The following SLC4A4 variants were observed in gnomAD, a reference collection of about 807,000 sequenced individuals.
The protein encoded by SLC4A4 is solute carrier family 4 member 4.
SLC4A4 carries 27 observed loss-of-function variants against 111.5 expected under a neutral mutation model. The ratio of observed to expected loss-of-function variants is 0.24; its 90% CI spans 0.18 to 0.33. The LOEUF (loss-of-function observed/expected upper bound fraction) is 0.33. Among genes scored for constraint, SLC4A4 ranks in the 10% least tolerant of loss-of-function variants. The probability of loss-of-function intolerance (pLI) is 1.00; values close to 1 mark genes in which losing one functional copy is unlikely to be tolerated. For synonymous variants in SLC4A4, 443 were observed against 463.4 expected, an observed-to-expected ratio of 0.96 and a Z score of 0.57; for missense variants, 909 against 1,315.5, an observed-to-expected ratio of 0.69 and a Z score of 4.78.
At chr4:71,479,507 A>G (rs746338217) in intron 14 of SLC4A4, among the ~76,000 whole-genome samples, 6 of 151,800 alleles carry the variant, frequency 4.0e-5, no homozygotes, top group Non-Finnish European at 7.4e-5. Flanking sequence ...TATAGTCAAT[A>G]TGTGTTTTTT....
chr4:71,072,272 A>G (rs1033133078), intron 1 of SLC4A4, among the ~76,000 whole-genome samples: 2 of 152,182 alleles, frequency 1.3e-5, no homozygotes, highest in African/African-American at 4.8e-5. Context: ...GAAGGATATG[A>G]CATTAAAATT....
intron 15 of SLC4A4, among the ~76,000 whole-genome samples, chr4:71,490,490 C>T (rs972455305): frequency 1.8e-4 from 28 of 151,874 alleles, no homozygotes; most frequent in Middle Eastern, 3.4e-3. Context: ...GATACCCTAG[C>T]TTTCTTTTTG....
intron 2 of SLC4A4, among the ~76,000 whole-genome samples, chr4:71,160,814 A>C (rs1744600961): frequency 6.6e-6 from 1 of 152,186 alleles, no homozygotes; most frequent in South Asian, 2.1e-4. Context: ...CTTATAATTA[A>C]AAACAAAAGG....
chr4:71,147,849 G>C (rs562739796), intron 2 of SLC4A4, among the ~76,000 whole-genome samples: 82 of 152,222 alleles, frequency 5.4e-4, no homozygotes, highest in African/African-American at 1.9e-3. Flanking sequence ...CCACATGCCT[G>C]GTAAATGTAC....
chr4:71,497,355 ACCTCATCAAGTTTCAC>A, intron 15 of SLC4A4, 130 bp from the exon 16 acceptor site: 1 of 666,962 alleles, frequency 1.5e-6, no homozygotes, highest in Non-Finnish European at 2.6e-6. Flanking sequence ...TTCCATGAAC[ACCTCATCAAGTTTCAC>A]CCTCCAGTGC....
At chr4:71,068,745 G>A (rs1209162127) in intron 1 of SLC4A4, among the ~76,000 whole-genome samples, 2 of 151,538 alleles carry the variant, frequency 1.3e-5, no homozygotes, top group African/African-American at 2.4e-5. Context: ...GCATTTTTTT[G>A]TAGAGACGAG....
chr4:71,180,409 C>G (rs1289920655), intron 2 of SLC4A4, among the ~76,000 whole-genome samples: 2 of 152,154 alleles, frequency 1.3e-5, no homozygotes, highest in Non-Finnish European at 2.9e-5. Flanking sequence ...TCAGAGTGAA[C>G]AAGCAACCTA....
chr4:71,403,291 T>A (rs1218297463), intron 7 of SLC4A4, among the ~76,000 whole-genome samples: 1 of 152,208 alleles, frequency 6.6e-6, no homozygotes, highest in Non-Finnish European at 1.5e-5. Context: ...CATGCAGCTA[T>A]GATTTGAATT....
rs117469465 is a variant in SLC4A4, at chr4:71,333,767, C to T, written c.254-5603C>T. Among the ~76,000 whole-genome samples, 23 of 152,280 alleles carry T rather than the reference C, an allele frequency of 1.5e-4. No homozygotes were observed. In the East Asian group the frequency reaches 4.4e-3, roughly 29 times the overall value. On this transcript the variant is annotated intron_variant, in intron 3 of 25. Transcript: ENST00000264485. ...CAAAGTCCTTTACACTCTTTCTTCC[C>T]CTTTCCTGATGCAGAAGGAGCCTCT...
intron 2 of SLC4A4, among the ~76,000 whole-genome samples, chr4:71,103,265 A>G (rs1742813076): frequency 6.6e-6 from 1 of 151,850 alleles, no homozygotes; most frequent in African/African-American, 2.4e-5. Context: ...ACCCAGATTC[A>G]TAAAGCAAGT....
chr4:71,430,976 A>G (rs990522720), intron 7 of SLC4A4, among the ~76,000 whole-genome samples: 1 of 152,122 alleles, frequency 6.6e-6, no homozygotes, highest in Non-Finnish European at 1.5e-5. Context: ...GGATGTGTAG[A>G]ACCCACTTCT....
At chr4:71,239,074 A>C (rs1720003306) in intron 2 of SLC4A4, among the ~76,000 whole-genome samples, 2 of 152,318 alleles carry the variant, frequency 1.3e-5, no homozygotes, top group African/African-American at 4.8e-5. Context: ...TCTATTCTAA[A>C]GTAGCTTCCT....
chr4:71,472,609 G>T, intron 13 of SLC4A4, 90 bp from the exon 14 acceptor site: 1 of 1,351,854 alleles, frequency 7.4e-7, no homozygotes, highest in Non-Finnish European at 1.0e-6. Context: ...TTGTATTTTT[G>T]TCAATCTTTC....
intron 16 of SLC4A4, among the ~76,000 whole-genome samples, chr4:71,518,590 G>C (rs942630950): frequency 6.6e-5 from 10 of 152,112 alleles, no homozygotes; most frequent in Non-Finnish European, 1.3e-4. Context: ...GCCTGTATTG[G>C]CAGGGACTGG....
Position 71,524,451 on chromosome 4 carries a change from TCAAGCTC to T in SLC4A4, c.2167-7605_2167-7599del, listed in dbSNP as rs764890914. ...CTCTCCTTCCTGTAGACTTCCATTG[TCAAGCTC>T]CAAGCCCGACCCAGATAAATTCTCC... On this transcript the variant is annotated intron_variant, in intron 16 of 25. Coordinates refer to ENST00000264485, the MANE Select transcript of SLC4A4 (RefSeq NM_001098484.3). Among the ~76,000 whole-genome samples the T allele has an allele frequency of 1.2e-4, 18 of 152,266 alleles. No individual in the cohort carries two copies. The East Asian group carries it at 3.5e-3, about 29-fold the overall frequency.
At chr4:71,350,180 C>A (rs1729688406) in intron 5 of SLC4A4, 108 bp downstream of exon 5, 16 of 1,101,334 alleles carry the variant, frequency 1.5e-5, no homozygotes, top group Non-Finnish European at 1.4e-6. Context: ...TGTTTTATAA[C>A]ATTTATTCTC....
rs1728291494 is a variant in SLC4A4 at position 71,334,691 on chromosome 4, T to TG, written c.254-4678dup. ...TATATGTAATAAATAAGACAACCTA[T>TG]GAAAGGGGTTAGGCATGGTACCTAG... is the stretch of plus-strand genomic sequence containing the variant. On this transcript the variant is annotated intron_variant, in intron 3 of 25. Transcript: ENST00000264485. Among the ~76,000 whole-genome samples, 7 of 152,306 alleles carry TG rather than the reference T, an allele frequency of 4.6e-5. No homozygotes were observed. In the South Asian group the frequency reaches 1.4e-3, roughly 32 times the overall value.
At chr4:71,451,609 A>C (rs1225492554) in intron 11 of SLC4A4, among the ~76,000 whole-genome samples, 1 of 152,154 alleles carries the variant, frequency 6.6e-6, no homozygotes, top group Non-Finnish European at 1.5e-5. Context: ...TTCCAATTTT[A>C]GATAAGAGTG....
chr4:71,300,834 C>A, intron 3 of SLC4A4: 1 of 452,968 alleles, frequency 2.2e-6, no homozygotes. Flanking sequence ...AGAAGCAGTG[C>A]TGGAGGCAGA....
Sources: gnomAD v4.1 joint callset for allele counts (sites outside exome capture counted in the v4.1 genomes callset) on GRCh38, gnomAD v4.1.1 for gene constraint, MANE v1.5 for transcripts, NCBI Gene and HGNC (gene_info 2026-07-23, HGNC 2026-07-21) for gene names.